The following PARD3 variants were observed in gnomAD, a reference collection of about 807,000 sequenced individuals.
The protein encoded by PARD3 is par-3 family cell polarity regulator.
A neutral mutation model predicts 155.4 loss-of-function variants in PARD3; 75 were observed. The ratio of observed to expected loss-of-function variants is 0.48; its 90% confidence interval spans 0.40 to 0.58. PARD3 has a LOEUF of 0.58. PARD3 is among the 20% of genes least tolerant of loss of function. PARD3 has a pLI of 0.00. For missense variants in PARD3, 1,642 were observed against 1,721.7 expected, an observed-to-expected ratio of 0.95 and a Z score of 0.82; for synonymous variants, 576 against 610.5, an observed-to-expected ratio of 0.94 and a Z score of 0.83.
intron 5 of PARD3, among the ~76,000 whole-genome samples, chr10:34,431,696 C>T (rs1263768066): frequency 1.5e-5 from 2 of 131,074 alleles, no homozygotes; most frequent in African/African-American, 5.6e-5. Flanking sequence ...GCCAAGATCA[C>T]ACCACTGCAC....
At chr10:34,777,520 A>G (rs1316941583) in intron 1 of PARD3, among the ~76,000 whole-genome samples, 2 of 152,098 alleles carry the variant, frequency 1.3e-5, no homozygotes. Context: ...TATACAGTAG[A>G]TGCTCATTAG....
At chr10:34,788,509 G>A (rs920581505) in intron 1 of PARD3, among the ~76,000 whole-genome samples, 1 of 151,600 alleles carries the variant, frequency 6.6e-6, no homozygotes, top group Non-Finnish European at 1.5e-5. Flanking sequence ...GAGTGCAGTG[G>A]CACGATCGCG....
intron 22 of PARD3, among the ~76,000 whole-genome samples, chr10:34,153,063 A>G (rs1339145876): frequency 6.6e-6 from 1 of 152,210 alleles, no homozygotes; most frequent in Non-Finnish European, 1.5e-5. Context: ...ATATTCTAAC[A>G]TTCAACTGCT....
chr10:34,451,643 T>C (rs1376877750), intron 4 of PARD3, among the ~76,000 whole-genome samples: 1 of 152,108 alleles, frequency 6.6e-6, no homozygotes, highest in Non-Finnish European at 1.5e-5. Context: ...GGACATATGT[T>C]CAAACAAAAG....
In PARD3 at chr10:34,415,070, A is replaced by C. The variant is rs760784332; in HGVS notation, c.715-13153T>G. On this transcript the variant is annotated intron_variant, in intron 5 of 24. Transcript: ENST00000374788. ...ACTGTTAAAGCCATGATCAGGAAGA[A>C]GAACCACCAACTTCTGGAGGAATAA... 4.0e-4 allele frequency among the ~76,000 whole-genome samples: 61 copies of C among 152,220 alleles called. 1 individual carries two copies. The highest frequency in any genetic ancestry group is 1.5e-4 in the Non-Finnish European group (10 of 68,044).
At chr10:34,747,608 T>G (rs971673677) in intron 1 of PARD3, among the ~76,000 whole-genome samples, 8 of 152,194 alleles carry the variant, frequency 5.3e-5, no homozygotes, top group Non-Finnish European at 5.9e-5. Flanking sequence ...TTCAAGGGGC[T>G]TCCACGACAC....
At chr10:34,590,387 C>A (rs548824231) in intron 2 of PARD3, among the ~76,000 whole-genome samples, 1 of 152,324 alleles carries the variant, frequency 6.6e-6, no homozygotes, top group South Asian at 2.1e-4. Flanking sequence ...TTTGTTTTCC[C>A]CTACTTCCCA....
intron 22 of PARD3, among the ~76,000 whole-genome samples, chr10:34,151,135 A>T (rs1432993766): frequency 1.3e-5 from 2 of 151,908 alleles, no homozygotes; most frequent in Non-Finnish European, 1.5e-5. Flanking sequence ...ATACACCAAT[A>T]CTTTCCAAAC....
chr10:34,615,314 C>A (rs1441975366), intron 2 of PARD3, among the ~76,000 whole-genome samples: 2 of 152,140 alleles, frequency 1.3e-5, no homozygotes, highest in Non-Finnish European at 2.9e-5. Flanking sequence ...AGAAATAAAT[C>A]CACATACATG....
intron 14 of PARD3, among the ~76,000 whole-genome samples, chr10:34,357,250 A>T (rs888077148): frequency 6.6e-5 from 10 of 152,188 alleles, no homozygotes; most frequent in African/African-American, 2.2e-4. Context: ...CTCCTGTAGC[A>T]TTCAATGTTT....
intron 3 of PARD3, among the ~76,000 whole-genome samples, chr10:34,515,789 A>C (rs1296986579): frequency 1.3e-5 from 2 of 152,008 alleles, no homozygotes; most frequent in Non-Finnish European, 1.5e-5. Flanking sequence ...ATATATTCTA[A>C]ATATTATCTA....
intron 1 of PARD3, among the ~76,000 whole-genome samples, chr10:34,790,268 T>C (rs987996051): frequency 4.6e-5 from 7 of 152,246 alleles, no homozygotes; most frequent in African/African-American, 1.7e-4. Context: ...ACACATTGTC[T>C]TCTACTTCCT....
intron 2 of PARD3, among the ~76,000 whole-genome samples, chr10:34,579,564 G>GTGTGTGTGTGTGTGTGTGTGTA (rs1355236025): frequency 1.5e-5 from 2 of 134,216 alleles, no homozygotes; most frequent in East Asian, 4.3e-4. Flanking sequence ...CTGTGTGTGT[G>GTGTGTGTGTGTGTGTGTGTGTA]TGTGTGTGTG....
At chr10:34,806,007 A>C (rs1843336649) in intron 1 of PARD3, among the ~76,000 whole-genome samples, 1 of 151,504 alleles carries the variant, frequency 6.6e-6, no homozygotes, top group South Asian at 2.1e-4. Context: ...AGAAGGAAGG[A>C]AATTCTGAAG....
chr10:34,292,821 C>T (rs886833817), intron 20 of PARD3, among the ~76,000 whole-genome samples: 13 of 151,946 alleles, frequency 8.6e-5, no homozygotes, highest in African/African-American at 3.1e-4. Flanking sequence ...CCTTTCAGGA[C>T]TCCCATTAAA....
intron 20 of PARD3, among the ~76,000 whole-genome samples, chr10:34,296,196 A>G (rs1418654074): frequency 6.6e-6 from 1 of 152,228 alleles, no homozygotes; most frequent in Non-Finnish European, 1.5e-5. Flanking sequence ...ATATTTTAAA[A>G]TAAGTTATTG....
At chr10:34,349,863 C>T (rs1837852018) in intron 14 of PARD3, among the ~76,000 whole-genome samples, 1 of 152,094 alleles carries the variant, frequency 6.6e-6, no homozygotes. Flanking sequence ...TGAGAAATCC[C>T]TAAATATCCC....
chr10:34,544,829 T>C (rs754419833), intron 2 of PARD3, among the ~76,000 whole-genome samples: 6 of 152,210 alleles, frequency 3.9e-5, no homozygotes, highest in Non-Finnish European at 7.3e-5. Flanking sequence ...TGTTAGGATG[T>C]AGTAACTATT....
At chr10:34,113,042 C>T (rs1048439040) in intron 24 of PARD3, among the ~76,000 whole-genome samples, 1 of 152,206 alleles carries the variant, frequency 6.6e-6, no homozygotes, top group South Asian at 2.1e-4. Context: ...TGGAAAATGC[C>T]GGCATGAAAC....
Sources: gnomAD v4.1 joint callset for allele counts (sites outside exome capture counted in the v4.1 genomes callset) on GRCh38, gnomAD v4.1.1 for gene constraint, MANE v1.5 for transcripts, NCBI Gene and HGNC (gene_info 2026-07-23, HGNC 2026-07-21) for gene names.